Variants in SLC2A9 observed in about 807,000 individuals in gnomAD.
SLC2A9 encodes the protein solute carrier family 2, facilitated glucose transporter member 9.
In SLC2A9, 39 loss-of-function variants were observed where a neutral mutation model predicts 50.6. That is an observed-to-expected ratio of 0.77 (90% CI 0.60 to 1.01). The LOEUF is 1.01. SLC2A9 is among the 50% of genes least tolerant of loss of function. The pLI is 0.00. For synonymous variants in SLC2A9, 324 were observed against 276.9 expected (o/e 1.17, Z -1.69); for missense variants, 686 against 677.6 (o/e 1.01, Z -0.14).
At chr4:9,977,746 C>T (rs531744699) in intron 5 of SLC2A9, among the ~76,000 whole-genome samples, 4 of 152,118 alleles carry the variant, frequency 2.6e-5, no homozygotes, top group Admixed American at 6.5e-5. Context: ...AAACCACCCC[C>T]GATGCCCTAC....
intron 10 of SLC2A9, among the ~76,000 whole-genome samples, chr4:9,873,294 T>G (rs950864332): frequency 2.0e-5 from 3 of 152,194 alleles, no homozygotes; most frequent in African/African-American, 7.2e-5. Context: ...AGGCTCTCAG[T>G]GATTATTTGT....
chr4:9,839,666 GT>G (rs532877091), intron 10 of SLC2A9, among the ~76,000 whole-genome samples: 123 of 152,250 alleles, frequency 8.1e-4, no homozygotes, highest in African/African-American at 2.8e-3. Context: ...ATGAGATCAT[GT>G]CCTTTGCAGG....
chr4:9,846,644 T>C (rs1423365175), intron 10 of SLC2A9, among the ~76,000 whole-genome samples: 3 of 152,210 alleles, frequency 2.0e-5, no homozygotes, highest in African/African-American at 4.8e-5. Context: ...GAAACCTTGA[T>C]AGTGCTTACT....
chr4:9,965,538 C>T (rs889143387), intron 5 of SLC2A9, among the ~76,000 whole-genome samples: 2 of 152,206 alleles, frequency 1.3e-5, no homozygotes, highest in Non-Finnish European at 2.9e-5. Flanking sequence ...AAACTGACCA[C>T]AGAATAAACT....
downstream of SLC2A9, chr4:9,779,671 C>T (rs1389776840): frequency 6.6e-6 from 1 of 152,286 alleles, no homozygotes; most frequent in Non-Finnish European, 1.5e-5. Flanking sequence ...ACCTCGGCCT[C>T]CCAAAGTGCT....
At position 9,990,250 on chromosome 4, in the gene SLC2A9, G is replaced by C. The variant is rs922955730; in HGVS notation, c.411-4457C>G. On this transcript the variant is annotated intron_variant, in intron 3 of 11. Coordinates refer to ENST00000264784, the MANE Select transcript of SLC2A9 (RefSeq NM_020041.3). ...TGCAAGCATACAAGGATGCTTAGATGCAAGCAAGGATGGCCACACTGGGGA... is the reference window on the plus strand; with the variant it reads ...TGCAAGCATACAAGGATGCTTAGATCCAAGCAAGGATGGCCACACTGGGGA... Among the ~76,000 whole-genome samples the C allele has an allele frequency of 2.6e-5, 4 of 152,240 alleles. No individual in the cohort carries two copies. In the East Asian group the frequency reaches 7.7e-4, roughly 29 times the overall value.
At chr4:9,869,463 G>T (rs1241965776) in intron 10 of SLC2A9, among the ~76,000 whole-genome samples, 1 of 132,788 alleles carries the variant, frequency 7.5e-6, no homozygotes, top group Non-Finnish European at 1.5e-5. Context: ...CTGGCCCTGG[G>T]CTCCTGTGCT....
At chr4:9,804,954 T>C (rs1329011972) in intron 3 of SLC2A9, among the ~76,000 whole-genome samples, 1 of 152,010 alleles carries the variant, frequency 6.6e-6, no homozygotes, top group Non-Finnish European at 1.5e-5. Flanking sequence ...GAGGCTTCTA[T>C]CCTCCCTAGA....
intron 8 of SLC2A9, among the ~76,000 whole-genome samples, chr4:9,891,444 T>C (rs1737415364): frequency 6.6e-6 from 1 of 152,220 alleles, no homozygotes; most frequent in African/African-American, 2.4e-5. Context: ...CTTTGGCATG[T>C]CACTTCACTT....
chr4:10,015,260 CT>C lies in SLC2A9; in HGVS notation c.249+3714del, dbSNP rs957011934. Among the ~76,000 whole-genome samples, 20 of 152,312 alleles carry C rather than the reference CT, an allele frequency of 1.3e-4. No individual in the cohort carries two copies. In the Middle Eastern group the frequency reaches 0.01, roughly 78 times the overall value. On this transcript the variant is annotated intron_variant, in intron 2 of 11. Transcript: ENST00000264784. ...CTTTGCCTTTATTGATCATGCCAAACTCCCCCCATGGCTGGACTGTTGGCGC... is the reference window on the plus strand; with the variant it reads ...CTTTGCCTTTATTGATCATGCCAAACCCCCCCATGGCTGGACTGTTGGCGC...
intron 8 of SLC2A9, among the ~76,000 whole-genome samples, chr4:9,907,515 T>C (rs1740906648): frequency 6.6e-6 from 1 of 152,262 alleles, no homozygotes; most frequent in African/African-American, 2.4e-5. Flanking sequence ...TCCTCTCTAT[T>C]ATACTGGTCA....
At chr4:9,799,111 G>T (rs2108917086) in exon 4 of SLC2A9, 1 of 152,278 alleles carries the variant, frequency 6.6e-6, no homozygotes, top group East Asian at 1.9e-4. Context: ...AGGTAAGCAA[G>T]ATAAAATGGA....
At chr4:9,882,244 G>T (rs568183640) in intron 10 of SLC2A9, among the ~76,000 whole-genome samples, 2 of 152,246 alleles carry the variant, frequency 1.3e-5, no homozygotes, top group Admixed American at 1.3e-4. Context: ...AAAAGCAGGA[G>T]CCCCCTCCCC....
intron 10 of SLC2A9, among the ~76,000 whole-genome samples, chr4:9,851,889 A>T (rs537718834): frequency 2.0e-5 from 3 of 152,340 alleles, no homozygotes; most frequent in African/African-American, 7.2e-5. Flanking sequence ...GAATAAAAAG[A>T]ATGAACAAAA....
chr4:9,856,213 C>T (rs941202777), intron 10 of SLC2A9, among the ~76,000 whole-genome samples: 1 of 152,166 alleles, frequency 6.6e-6, no homozygotes, highest in African/African-American at 2.4e-5. Context: ...GCAAACTATG[C>T]ATCTGACAAA....
intron 8 of SLC2A9, among the ~76,000 whole-genome samples, chr4:9,900,388 A>T (rs1268326553): frequency 6.6e-6 from 1 of 152,084 alleles, no homozygotes; most frequent in East Asian, 1.9e-4. Context: ...TCAGAGGGTG[A>T]GCTGCAGGAA....
intron 3 of SLC2A9, among the ~76,000 whole-genome samples, chr4:9,786,586 T>C (rs760248392): frequency 3.3e-5 from 5 of 152,226 alleles, no homozygotes; most frequent in African/African-American, 4.8e-5. Flanking sequence ...AAAGTAGCTC[T>C]TACATGATGG....
chr4:10,038,440 G>T (rs1264312494), intron 1 of SLC2A9, among the ~76,000 whole-genome samples: 4 of 137,338 alleles, frequency 2.9e-5, no homozygotes, highest in Non-Finnish European at 4.6e-5. Flanking sequence ...CCAGGAGATG[G>T]AAGTTGCAGT....
chr4:9,778,049 TTTCTTTCCTTCCTTCCTTCCTTCCTTCC>T (rs1238128499), downstream of SLC2A9, among the ~76,000 whole-genome samples: 228 of 124,102 alleles, frequency 1.8e-3, 2 homozygotes, highest in African/African-American at 4.5e-3. Context: ...TCTTTCTTTC[TTTCTTTCCTTCCTTCCTTCCTTCCTTCC>T]TTCCTTCCTT....
Sources: allele counts gnomAD v4.1 joint callset (sites outside exome capture counted in the v4.1 genomes callset), GRCh38; gene constraint gnomAD v4.1.1; transcripts MANE v1.5; gene names NCBI Gene and HGNC (gene_info 2026-07-23, HGNC 2026-07-21).